The following EVL variants were observed in gnomAD, a reference collection of about 807,000 sequenced individuals.
EVL encodes the protein ena/VASP-like protein.
In EVL, 21 loss-of-function variants were observed where a neutral mutation model predicts 59.6. The ratio of observed to expected loss-of-function variants is 0.35; its 90% confidence interval spans 0.25 to 0.51. EVL has a LOEUF of 0.51. Among genes scored for constraint, EVL ranks in the 20% least tolerant of loss-of-function variants. The probability of loss-of-function intolerance (pLI) is 0.97; values close to 1 mark genes in which losing one functional copy is unlikely to be tolerated. For synonymous variants in EVL, 198 were observed against 203.5 expected (o/e 0.97, Z 0.23); for missense variants, 462 against 546.6 (o/e 0.85, Z 1.54).
At chr14:100,141,139 C>T in intron 11 of EVL, 41 bp from the exon 12 acceptor site, 1 of 1,605,454 alleles carries the variant, frequency 6.2e-7, no homozygotes, top group Non-Finnish European at 8.5e-7. Context: ...TCCCCCACAC[C>T]TGTCTCCAGC....
chr14:100,033,238 C>T (rs956837363), intron 1 of EVL, among the ~76,000 whole-genome samples: 3 of 152,218 alleles, frequency 2.0e-5, no homozygotes, highest in Non-Finnish European at 4.4e-5. Flanking sequence ...ATAAATTAAG[C>T]ACTTCTGATT....
Position 100,082,921 on chromosome 14 carries a change from G to A in EVL, c.12-1766G>A, listed in dbSNP as rs115475039. Among the ~76,000 whole-genome samples the A allele has an allele frequency of 6.8e-3, 1,041 of 152,314 alleles. 10 individuals carry two copies. Among genetic ancestry groups the A allele is most frequent in the African/African-American group, 0.024 (996 of 41,576 alleles). ...TGCCACATTCAGTCAGCGGCTGGGAGCAGCATGGCCTCTGTGCACCAGCTC... is the reference window on the plus strand; with the variant it reads ...TGCCACATTCAGTCAGCGGCTGGGAACAGCATGGCCTCTGTGCACCAGCTC... On this transcript the variant is annotated intron_variant, in intron 1 of 13. Transcript: ENST00000392920.
intron 1 of EVL, among the ~76,000 whole-genome samples, chr14:100,033,490 G>A (rs1449727099): frequency 6.6e-6 from 1 of 152,194 alleles, no homozygotes; most frequent in Non-Finnish European, 1.5e-5. Flanking sequence ...ATTTGGATCT[G>A]TATCTTCTAA....
intron 3 of EVL, among the ~76,000 whole-genome samples, chr14:100,098,526 TA>T (rs1885977019): frequency 6.6e-6 from 1 of 152,126 alleles, no homozygotes; most frequent in Non-Finnish European, 1.5e-5. Context: ...ATACTTAGGG[TA>T]GACATTGGGA....
intron 1 of EVL, among the ~76,000 whole-genome samples, chr14:99,983,123 A>G (rs1414879894): frequency 2.6e-5 from 4 of 152,286 alleles, no homozygotes; most frequent in Non-Finnish European, 4.4e-5. Context: ...TCTGGTTTCA[A>G]ATATTCTGCC....
intron 13 of EVL, 87 bp downstream of exon 13, chr14:100,141,880 T>G (rs930957446): frequency 6.4e-6 from 8 of 1,251,272 alleles, no homozygotes; most frequent in Non-Finnish European, 9.0e-6. Flanking sequence ...GCCTCCAGTT[T>G]TGAGCTGGAG....
chr14:100,056,271 T>A (rs1052396038), intron 1 of EVL, among the ~76,000 whole-genome samples: 1 of 151,724 alleles, frequency 6.6e-6, no homozygotes, highest in Non-Finnish European at 1.5e-5. Flanking sequence ...CCCTGTCCCT[T>A]TTTCCCTACC....
At chr14:100,072,465 T>C (rs1190969) in intron 1 of EVL, among the ~76,000 whole-genome samples, 142,497 of 152,312 alleles carry the variant, frequency 0.94, 66,833 homozygotes, top group African/African-American at 0.96. Flanking sequence ...GAACTCCTGA[T>C]CTCAGGTGAT....
rs1174091251 is a variant in EVL, at chr14:100,128,665, G to A, written c.634G>A (p.Ala212Thr). Reference protein sequence around the residue: ...PPPPPLPAGGAQGSSHDESSM... With the variant: ...PPPPPLPAGGTQGSSHDESSM... ...CCCACCCCCACTGCCAGCCGGAGGAGCCCAGGGGTCCAGCCACGACGAGAG... is the reference window on the plus strand; with the variant it reads ...CCCACCCCCACTGCCAGCCGGAGGAACCCAGGGGTCCAGCCACGACGAGAG... Residue 212 changes from alanine (A) to threonine (T), a missense_variant, in exon 6 of 14, where the codon GCC (alanine) becomes ACC (threonine). By Grantham distance (58) the Ala-to-Thr change is moderately conservative. Coordinates refer to ENST00000392920, the MANE Select transcript of EVL (RefSeq NM_016337.3). 2 of 1,602,250 alleles carry A rather than the reference G, an allele frequency of 1.2e-6. No individual in the cohort carries two copies. Among genetic ancestry groups the A allele is most frequent in the South Asian group, 1.1e-5 (1 of 89,418 alleles).
At chr14:100,009,765 T>A (rs1303446422) in intron 1 of EVL, among the ~76,000 whole-genome samples, 1 of 152,188 alleles carries the variant, frequency 6.6e-6, no homozygotes, top group Non-Finnish European at 1.5e-5. Flanking sequence ...CAGCTTAGTT[T>A]TATATATTTT....
intron 1 of EVL, among the ~76,000 whole-genome samples, chr14:100,039,225 C>T (rs1338029631): frequency 6.6e-6 from 1 of 152,072 alleles, no homozygotes. Context: ...TAAAACAATC[C>T]TTGTTAGAGG....
chr14:100,055,933 T>G (rs1463177847), intron 1 of EVL, among the ~76,000 whole-genome samples: 2 of 152,144 alleles, frequency 1.3e-5, no homozygotes, highest in East Asian at 3.8e-4. Flanking sequence ...TGTCTCAGCA[T>G]CCCGAGTAGC....
intron 1 of EVL, among the ~76,000 whole-genome samples, chr14:100,057,878 GTAAC>G (rs1035590141): frequency 1.3e-5 from 2 of 152,198 alleles, no homozygotes; most frequent in Admixed American, 1.3e-4. Flanking sequence ...GTTAGAGACT[GTAAC>G]TAATTTTGGG....
At chr14:99,993,583 G>GA (rs1199896008) in intron 1 of EVL, among the ~76,000 whole-genome samples, 6 of 151,574 alleles carry the variant, frequency 4.0e-5, no homozygotes, top group Non-Finnish European at 7.4e-5. Flanking sequence ...TAAATGTTTG[G>GA]AAAAATTCTC....
At chr14:99,994,410 C>T (rs1670546632) in intron 1 of EVL, among the ~76,000 whole-genome samples, 2 of 150,966 alleles carry the variant, frequency 1.3e-5, no homozygotes, top group African/African-American at 4.9e-5. Flanking sequence ...ATTTTGATTC[C>T]CTTATCATTT....
At position 100,141,201 on chromosome 14, in the gene EVL, G is replaced by A; in HGVS notation, c.1116G>A (p.Val372=). The A allele has an allele frequency of 6.2e-7, 1 of 1,613,940 alleles. No individual in the cohort carries two copies. The highest frequency in any genetic ancestry group is 8.5e-7 in the Non-Finnish European group (1 of 1,179,992). Residue 372 remains valine, a synonymous_variant, in exon 12 of 14, where the codon GTG becomes GTA. Coordinates refer to ENST00000392920, the MANE Select transcript of EVL (RefSeq NM_016337.3). ...CCAGGATGAAGCCTGCTGGGAGCGTGAATGACATGGCCCTGGATGCCTTCG... is the reference window on the plus strand; with the variant it reads ...CCAGGATGAAGCCTGCTGGGAGCGTAAATGACATGGCCCTGGATGCCTTCG... ...PHSRMKPAGS[V]NDMALDAFDL... is the part of the protein sequence containing the mutation.
chr14:100,129,669 A>G lies in EVL; in HGVS notation c.824A>G (p.Lys275Arg), dbSNP rs1188324139. Residue 275 changes from lysine (K) to arginine (R), a missense_variant, in exon 7 of 14, where the codon AAA (lysine) becomes AGA (arginine). Lys to Arg is a conservative substitution (Grantham distance 26, BLOSUM62 2). Coordinates refer to ENST00000392920, the MANE Select transcript of EVL (RefSeq NM_016337.3). ...GGGGLMEEMN[K>R]LLAKRRKAAS... ...GGAGGCCTCATGGAGGAAATGAACA[A>G]ACTGCTGGCCAAGAGGTGGGTCTCT... The G allele has an allele frequency of 5.7e-6, 9 of 1,581,472 alleles. No individual in the cohort carries two copies. Among genetic ancestry groups the G allele is most frequent in the Non-Finnish European group, 6.9e-6 (8 of 1,162,308 alleles).
intron 1 of EVL, among the ~76,000 whole-genome samples, chr14:100,049,117 T>A (rs1474538853): frequency 1.3e-5 from 2 of 152,184 alleles, no homozygotes; most frequent in African/African-American, 4.8e-5. Context: ...TCCAGTAATT[T>A]AAGTGGTGAA....
At chr14:100,055,782 T>TA (rs2061719696) in intron 1 of EVL, among the ~76,000 whole-genome samples, 1 of 143,738 alleles carries the variant, frequency 7.0e-6, no homozygotes, top group Non-Finnish European at 1.5e-5. Context: ...TGTGCACACT[T>TA]ACGTTGTTGT....
Sources: allele counts gnomAD v4.1 joint callset (sites outside exome capture counted in the v4.1 genomes callset), GRCh38; gene constraint gnomAD v4.1.1; transcripts MANE v1.5; gene names NCBI Gene and HGNC (gene_info 2026-07-23, HGNC 2026-07-21).